The following IFT140 variants were observed in gnomAD, a reference collection of about 807,000 sequenced individuals.
IFT140 encodes the protein intraflagellar transport 140.
Under a neutral mutation model 164.6 loss-of-function variants are expected in IFT140, and 133 were observed. That is an observed-to-expected ratio of 0.81 (90% CI 0.70 to 0.93). The LOEUF is 0.93. Among genes scored for constraint, IFT140 ranks in the 40% least tolerant of loss-of-function variants. The pLI, the probability that IFT140 is intolerant of heterozygous loss-of-function variation, is 0.00. For missense variants in IFT140, 2,045 were observed against 1,972.3 expected, an observed-to-expected ratio of 1.04 and a Z score of -0.70; for synonymous variants, 860 against 817.3, an observed-to-expected ratio of 1.05 and a Z score of -0.89.
In IFT140 at chr16:1,586,157, C is replaced by A. The variant is rs774204739; in HGVS notation, c.1128G>T (p.Glu376Asp). 6.2e-7 allele frequency: 1 copy of A among 1,613,808 alleles called. No individual in the cohort carries two copies. ...GGATTTGCGTGATGTTTCCTTGGAG[C>A]TCGGTAGGGGTCTGAAGGGCCCACC... is the stretch of plus-strand genomic sequence containing the variant. The part of the protein sequence containing the change: ...KDRWALQTPT[E>D]LQGNITQIQW... Residue 376 changes from glutamate to aspartate, a missense_variant, in exon 10 of 31, where the codon GAG (glutamate) becomes GAT (aspartate). Glu to Asp is a conservative substitution (Grantham distance 45). Coordinates refer to ENST00000426508, the MANE Select transcript of IFT140 (RefSeq NM_014714.4).
At chr16:1,595,762 C>T (rs930307149) in intron 4 of IFT140, among the ~76,000 whole-genome samples, 5 of 151,968 alleles carry the variant, frequency 3.3e-5, no homozygotes, top group African/African-American at 1.2e-4. Flanking sequence ...AAAATAAAAA[C>T]ACTAGGCAGC....
In IFT140 at chr16:1,589,655, GC is replaced by G; in HGVS notation, c.759del (p.Leu254CysfsTer15). The stretch of plus-strand genomic sequence containing the variant: ...TCAGGAGGCACCGTGTACAGGGACA[GC>G]CGGAGGTTCTCTGTGACCACCACCA... ...EALVVVTENL[R>X]LSLYTVPPEG... On this transcript the variant is annotated frameshift_variant, in exon 7 of 31. Transcript: ENST00000426508. LOFTEE classifies it high-confidence loss of function. The G allele has an allele frequency of 6.2e-7, 1 of 1,614,172 alleles. No homozygotes were observed. The highest frequency in any genetic ancestry group is 1.1e-5 in the South Asian group (1 of 91,084).
chr16:1,517,229 A>G (rs2141129677), intron 30 of IFT140, among the ~76,000 whole-genome samples: 1 of 152,264 alleles, frequency 6.6e-6, no homozygotes, highest in East Asian at 1.9e-4. Flanking sequence ...GCACACCTGT[A>G]GTCCCAGCTA....
At chr16:1,534,625 G>A (rs569286173) in intron 19 of IFT140, 153 of 1,589,100 alleles carry the variant, frequency 9.6e-5, no homozygotes, top group Middle Eastern at 8.4e-4. Flanking sequence ...GATGTTAGGC[G>A]CGGACCTGGT....
chr16:1,602,942 AAAAC>A (rs538308407), intron 3 of IFT140, among the ~76,000 whole-genome samples: 11 of 152,292 alleles, frequency 7.2e-5, no homozygotes, highest in South Asian at 2.1e-4. Context: ...TCTGTCTCCA[AAAAC>A]AAACAAACAA....
intron 13 of IFT140, chr16:1,579,491 C>T (rs1214088920): frequency 6.6e-6 from 1 of 152,184 alleles, no homozygotes; most frequent in African/African-American, 2.4e-5. Context: ...CTGGACAGCA[C>T]CTGGATTGCA....
chr16:1,549,141 C>A (rs1276720706), intron 19 of IFT140, among the ~76,000 whole-genome samples: 1 of 152,268 alleles, frequency 6.6e-6, no homozygotes, highest in Non-Finnish European at 1.5e-5. Flanking sequence ...CTGGGTCTCA[C>A]TGGCGTCCGA....
Position 1,551,784 on chromosome 16 carries a change from C to T in IFT140, c.2399+6151G>A, listed in dbSNP as rs1024652695. Among the ~76,000 whole-genome samples the T allele has an allele frequency of 1.3e-4, 20 of 152,306 alleles. No homozygotes were observed. The highest frequency in any genetic ancestry group is 4.1e-4 in the African/African-American group (17 of 41,560). ...CCACACGTGCGTGGTCCGGCAGATC[C>T]GGCAAGATCAACTCTGCGGGACCTC... On this transcript the variant is annotated intron_variant, in intron 19 of 30. Coordinates refer to ENST00000426508, the MANE Select transcript of IFT140 (RefSeq NM_014714.4). The surrounding 1 kb of genome is among the most constrained non-coding windows in gnomAD (Gnocchi z 4.0).
intron 4 of IFT140, among the ~76,000 whole-genome samples, chr16:1,594,145 C>T (rs893317333): frequency 2.0e-5 from 3 of 152,192 alleles, no homozygotes; most frequent in African/African-American, 7.2e-5. Flanking sequence ...CTTTGATGTG[C>T]CCCCATTACC....
intron 19 of IFT140, among the ~76,000 whole-genome samples, chr16:1,538,919 C>T (rs1288847696): frequency 1.3e-5 from 2 of 152,192 alleles, no homozygotes; most frequent in Non-Finnish European, 2.9e-5. Context: ...TCCTGCTGGT[C>T]CCATCTGCAC....
chr16:1,580,749 A>G lies in IFT140; in HGVS notation c.1524+10T>C. ...TGCTCTGGTTTTCTTGCAGTGGAGC[A>G]GCAACTTACCTGCCAGGTTCGAACT... is the stretch of plus-strand genomic sequence containing the variant. On this transcript the variant is annotated intron_variant, in intron 13 of 30. Transcript: ENST00000426508. The G allele has an allele frequency of 6.3e-7, 1 of 1,599,366 alleles. No individual in the cohort carries two copies. Among genetic ancestry groups the G allele is most frequent in the Non-Finnish European group, 8.6e-7 (1 of 1,166,500 alleles).
intron 16 of IFT140, 110 bp downstream of exon 16, chr16:1,566,051 C>T (rs929919902): frequency 2.1e-6 from 2 of 950,742 alleles, no homozygotes; most frequent in Non-Finnish European, 3.2e-6. Context: ...CCTACTGGTG[C>T]CTGCTGGGGC....
chr16:1,518,611 T>G (rs902887809), intron 29 of IFT140, among the ~76,000 whole-genome samples: 1 of 152,054 alleles, frequency 6.6e-6, no homozygotes. Context: ...CCCTAGTTCC[T>G]GCTCTATGGA....
At chr16:1,537,831 C>T (rs941757466) in intron 19 of IFT140, among the ~76,000 whole-genome samples, 1 of 152,204 alleles carries the variant, frequency 6.6e-6, no homozygotes, top group Non-Finnish European at 1.5e-5. Flanking sequence ...GGGAGCCCCA[C>T]CCCTCTCTCC....
chr16:1,554,153 C>G, intron 19 of IFT140: 1 of 1,285,548 alleles, frequency 7.8e-7, no homozygotes, highest in South Asian at 1.2e-5. Flanking sequence ...GCCAAGGAGC[C>G]CTAGACAAGG....
At position 1,551,259 on chromosome 16, in the gene IFT140, G is replaced by A. The variant is rs2032611178; in HGVS notation, c.2399+6676C>T. On this transcript the variant is annotated intron_variant, in intron 19 of 30. Coordinates refer to ENST00000426508, the MANE Select transcript of IFT140 (RefSeq NM_014714.4). The surrounding 1 kb of genome is among the most constrained non-coding windows in gnomAD (Gnocchi z 4.0). ...GGGAGAGCGGCCAGAGCCACCCATG[G>A]GTAAAGACACAATGACCACGGCTGG... Among the ~76,000 whole-genome samples the A allele has an allele frequency of 6.6e-6, 1 of 152,218 alleles. No homozygotes were observed. Among genetic ancestry groups the A allele is most frequent in the Non-Finnish European group, 1.5e-5 (1 of 68,048 alleles).
At chr16:1,577,506 AACT>A (rs2034337382) in intron 13 of IFT140, 1 of 152,156 alleles carries the variant, frequency 6.6e-6, no homozygotes, top group Non-Finnish European at 1.5e-5. Context: ...GGGGATTTTC[AACT>A]GCTCAGGTGG....
rs778020037 is a variant in IFT140, at chr16:1,584,376, G to A, written c.1200C>T (p.Ser400=). ...TGGCCCGCTCGCTGAGGATGGCCAC[G>A]GAGATGACGCTGTTCACTGCCAGCA... ...KNLLAVNSVI[S]VAILSERAMS... The change falls in exon 11 of 31, where the codon TCC becomes TCT. Residue 400 remains serine (S), a synonymous_variant. Coordinates refer to ENST00000426508, the MANE Select transcript of IFT140 (RefSeq NM_014714.4). The A allele has an allele frequency of 6.4e-5, 104 of 1,612,464 alleles. 1 individual carries two copies. In the East Asian group the frequency reaches 1.8e-3, roughly 28 times the overall value.
intron 2 of IFT140, among the ~76,000 whole-genome samples, chr16:1,609,586 C>T (rs1004260954): frequency 1.3e-5 from 2 of 152,220 alleles, no homozygotes; most frequent in South Asian, 2.1e-4. Context: ...AGAACAGGCC[C>T]TGCGCGGATG....
Sources: gnomAD v4.1 joint callset for allele counts (sites outside exome capture counted in the v4.1 genomes callset) on GRCh38, gnomAD v4.1.1 for gene constraint, Gnocchi (gnomAD v3.1) non-coding constraint, MANE v1.5 for transcripts, NCBI Gene and HGNC (gene_info 2026-07-23, HGNC 2026-07-21) for gene names.